The following TMEM132B variants were observed in gnomAD, a reference collection of about 807,000 sequenced individuals.
The protein encoded by TMEM132B is transmembrane protein 132B.
TMEM132B carries 18 observed loss-of-function variants against 90.8 expected under a neutral mutation model. The observed-to-expected ratio is 0.20, with a 90% CI of 0.14 to 0.29. The LOEUF is 0.29. Among genes scored for constraint, TMEM132B ranks in the 10% least tolerant of loss-of-function variants. The pLI is 1.00. For missense variants in TMEM132B, 1,096 were observed against 1,326.8 expected (o/e 0.83, Z 2.70); for synonymous variants, 504 against 523.3 (o/e 0.96, Z 0.50).
intron 1 of TMEM132B, among the ~76,000 whole-genome samples, chr12:125,262,291 T>A (rs988707731): frequency 6.6e-6 from 1 of 150,416 alleles, no homozygotes; most frequent in Non-Finnish European, 1.5e-5. Flanking sequence ...GACCTGGTGG[T>A]ATGCACCTTT....
intron 5 of TMEM132B, among the ~76,000 whole-genome samples, chr12:125,634,435 G>A (rs922325801): frequency 2.6e-5 from 4 of 152,176 alleles, no homozygotes; most frequent in Non-Finnish European, 5.9e-5. Flanking sequence ...TGGTCAAGCT[G>A]GTACCTAAGG....
chr12:125,296,198 G>A (rs1415343995), intron 1 of TMEM132B, among the ~76,000 whole-genome samples: 1 of 152,150 alleles, frequency 6.6e-6, no homozygotes, highest in African/African-American at 2.4e-5. Context: ...AGTACAGCGT[G>A]GTCCTGGGCT....
chr12:125,197,891 T>C (rs1418351318), intron 1 of TMEM132B, among the ~76,000 whole-genome samples: 1 of 152,138 alleles, frequency 6.6e-6, no homozygotes. Context: ...TTTGAATGAG[T>C]AGGTTTTGGT....
At chr12:125,233,349 G>A (rs1221702559) in intron 1 of TMEM132B, among the ~76,000 whole-genome samples, 1 of 152,178 alleles carries the variant, frequency 6.6e-6, no homozygotes, top group Admixed American at 6.5e-5. Context: ...TCTTTGGCTT[G>A]TGACTTCCAT....
At chr12:125,566,481 G>C (rs916064952) in intron 4 of TMEM132B, among the ~76,000 whole-genome samples, 1 of 152,048 alleles carries the variant, frequency 6.6e-6, no homozygotes, top group Non-Finnish European at 1.5e-5. Flanking sequence ...ACAACATTTC[G>C]AGCATTTGCT....
chr12:125,596,396 C>G (rs1044435409), intron 5 of TMEM132B, among the ~76,000 whole-genome samples: 22 of 152,164 alleles, frequency 1.4e-4, no homozygotes, highest in Admixed American at 1.2e-3. Flanking sequence ...AGCAAAAGAT[C>G]ATTTCTACTC....
rs1879505482 is a variant in TMEM132B at position 125,406,840 on chromosome 12, G to T, written c.960-8691G>T. On this transcript the variant is annotated intron_variant, in intron 2 of 8. Coordinates refer to ENST00000682704, the MANE Select transcript of TMEM132B (RefSeq NM_001366854.1). The surrounding 1 kb of genome is among the most constrained non-coding windows in gnomAD (Gnocchi z 8.3). The stretch of plus-strand genomic sequence containing the variant: ...ACTCAAAGAACTCAGAAACGCTGTT[G>T]TACTTATAAATATTGTTTATTCTAG... Among the ~76,000 whole-genome samples, 1 of 152,176 alleles carries T rather than the reference G, an allele frequency of 6.6e-6. No homozygotes were observed. Among genetic ancestry groups the T allele is most frequent in the Admixed American group, 6.5e-5 (1 of 15,270 alleles).
At chr12:125,386,085 C>T (rs928156187) in intron 2 of TMEM132B, among the ~76,000 whole-genome samples, 11 of 152,086 alleles carry the variant, frequency 7.2e-5, no homozygotes, top group East Asian at 1.9e-4. Flanking sequence ...CTCTGCCTCC[C>T]GGGCTCAGGT....
At chr12:125,228,202 C>T (rs1593048229) in intron 1 of TMEM132B, among the ~76,000 whole-genome samples, 3 of 152,228 alleles carry the variant, frequency 2.0e-5, no homozygotes, top group East Asian at 1.9e-4. Context: ...TCTCGGTTTC[C>T]GAGCCTCAGA....
intron 4 of TMEM132B, among the ~76,000 whole-genome samples, chr12:125,525,875 A>G (rs1326143512): frequency 6.6e-6 from 1 of 152,194 alleles, no homozygotes; most frequent in Middle Eastern, 3.2e-3. Context: ...GGCCTAAACC[A>G]TCACGATTTG....
At chr12:125,208,434 A>G (rs765744873) in intron 1 of TMEM132B, among the ~76,000 whole-genome samples, 47 of 152,196 alleles carry the variant, frequency 3.1e-4, no homozygotes, top group Admixed American at 2.3e-3. Flanking sequence ...TGTACCTTGC[A>G]GGTAGCCACT....
At chr12:125,645,611 C>T (rs1006914164) in intron 6 of TMEM132B, among the ~76,000 whole-genome samples, 3 of 152,184 alleles carry the variant, frequency 2.0e-5, no homozygotes, top group African/African-American at 7.2e-5. Flanking sequence ...ATTCTGTCAA[C>T]AACCTGGCTG....
intron 2 of TMEM132B, among the ~76,000 whole-genome samples, chr12:125,374,341 A>G (rs1369935691): frequency 6.6e-6 from 1 of 152,104 alleles, no homozygotes; most frequent in Non-Finnish European, 1.5e-5. Flanking sequence ...TTTCCATTTA[A>G]ATTCTCCGTG....
At chr12:125,465,969 A>G (rs144085449) in intron 3 of TMEM132B, among the ~76,000 whole-genome samples, 46 of 152,216 alleles carry the variant, frequency 3.0e-4, no homozygotes, top group African/African-American at 1.0e-3. Context: ...TGCTGGCACC[A>G]TGCTTCCTGT....
At chr12:125,247,791 A>G (rs1874238498) in intron 1 of TMEM132B, among the ~76,000 whole-genome samples, 1 of 152,150 alleles carries the variant, frequency 6.6e-6, no homozygotes, top group African/African-American at 2.4e-5. Flanking sequence ...TCATTTCAGA[A>G]CTTTTACTGG....
intron 3 of TMEM132B, among the ~76,000 whole-genome samples, chr12:125,455,572 T>C (rs1032741816): frequency 2.6e-4 from 39 of 152,302 alleles, no homozygotes; most frequent in African/African-American, 9.1e-4. Flanking sequence ...AGTGTCTTTA[T>C]TCTTTCTTTA....
In TMEM132B at chr12:125,515,536, C is replaced by T. The variant is rs575006417; in HGVS notation, c.1107-3903C>T. 4.6e-5 allele frequency among the ~76,000 whole-genome samples: 7 copies of T among 151,954 alleles called. No homozygotes were observed. The South Asian group carries it at 1.0e-3, about 23-fold the overall frequency. ...GCTCACACCCCTTCACACATTCTCACGCTCACACACATTCATTCAGTCTGT... is the reference window on the plus strand; with the variant it reads ...GCTCACACCCCTTCACACATTCTCATGCTCACACACATTCATTCAGTCTGT... On this transcript the variant is annotated intron_variant, in intron 3 of 8. Coordinates refer to ENST00000682704, the MANE Select transcript of TMEM132B (RefSeq NM_001366854.1).
At chr12:125,427,965 G>A (rs751505146) in intron 3 of TMEM132B, among the ~76,000 whole-genome samples, 5 of 151,260 alleles carry the variant, frequency 3.3e-5, no homozygotes, top group Non-Finnish European at 4.4e-5. Context: ...CAAACGAAGG[G>A]TAACTTGCCA....
At chr12:125,592,397 C>T (rs1231434018) in intron 5 of TMEM132B, among the ~76,000 whole-genome samples, 1 of 152,104 alleles carries the variant, frequency 6.6e-6, no homozygotes, top group East Asian at 1.9e-4. Context: ...TTCTGGCCTT[C>T]CAGTATCACT....
Sources: gnomAD v4.1 joint callset for allele counts (sites outside exome capture counted in the v4.1 genomes callset) on GRCh38, gnomAD v4.1.1 for gene constraint, Gnocchi (gnomAD v3.1) non-coding constraint, MANE v1.5 for transcripts, NCBI Gene and HGNC (gene_info 2026-07-23, HGNC 2026-07-21) for gene names.